The following HHIPL2 variants were observed in gnomAD, a reference collection of about 807,000 sequenced individuals.
HHIPL2 encodes HHIP-like protein 2.
HHIPL2 carries 61 observed loss-of-function variants against 61.0 expected under a neutral mutation model. The observed-to-expected ratio is 1.00, with a 90% CI of 0.81 to 1.24. The LOEUF (loss-of-function observed/expected upper bound fraction) is 1.24, where lower values mean the gene tolerates loss of function less well. HHIPL2 is among the 50% of genes most tolerant of loss of function. The pLI is 0.00. For synonymous variants in HHIPL2, 343 were observed against 357.4 expected, an observed-to-expected ratio of 0.96 and a Z score of 0.45; for missense variants, 885 against 910.2, an observed-to-expected ratio of 0.97 and a Z score of 0.36.
intron 5 of HHIPL2, 135 bp from the exon 6 acceptor site, chr1:222,532,246 A>G (rs1659208782): frequency 1.5e-6 from 1 of 681,368 alleles, no homozygotes; most frequent in Non-Finnish European, 2.3e-6. Flanking sequence ...GCCTGCCTCC[A>G]AGCAACCAAA....
At chr1:222,528,798 C>T (rs1659126765) in intron 6 of HHIPL2, among the ~76,000 whole-genome samples, 1 of 150,528 alleles carries the variant, frequency 6.6e-6, no homozygotes. Context: ...CTTTATACAG[C>T]TCTGAATTAT....
intron 1 of HHIPL2, among the ~76,000 whole-genome samples, chr1:222,544,908 T>G (rs958777533): frequency 2.0e-5 from 3 of 152,230 alleles, no homozygotes; most frequent in Non-Finnish European, 4.4e-5. Context: ...ATTATTGATT[T>G]TAAAAATTTC....
intron 7 of HHIPL2, chr1:222,524,847 T>C (rs1340311180): frequency 6.6e-6 from 1 of 152,188 alleles, no homozygotes; most frequent in African/African-American, 2.4e-5. Flanking sequence ...TAATTATAAC[T>C]GAATGGAGGG....
In HHIPL2 at chr1:222,531,951, CTG is replaced by C. The variant is rs758788853; in HGVS notation, c.1723+13_1723+14del. 6.3e-7 allele frequency: 1 copy of C among 1,589,770 alleles called. No individual in the cohort carries two copies. The highest frequency in any genetic ancestry group is 1.8e-5 in the Admixed American group (1 of 56,692). ...TCTAGTAAGCAGAAATCAAACAACTCTGTACATTTGTTACCTGCTTCATCTTC... is the reference window on the plus strand; with the variant it reads ...TCTAGTAAGCAGAAATCAAACAACTCTACATTTGTTACCTGCTTCATCTTC... On this transcript the variant is annotated intron_variant, in intron 6 of 8. Transcript: ENST00000343410.
At position 222,543,766 on chromosome 1, in the gene HHIPL2, T is replaced by TC; in HGVS notation, c.744dup (p.Ser249GlufsTer23). On this transcript the variant is annotated frameshift_variant, in exon 2 of 9. Transcript: ENST00000343410. LOFTEE classifies it high-confidence loss of function. ...TCCAGGAAGGGTTGCTCCAGGCGAC[T>TC]CCCATCAGGGAGGTAGACCCACACC... 6.2e-7 allele frequency: 1 copy of TC among 1,614,132 alleles called. No individual in the cohort carries two copies. The highest frequency in any genetic ancestry group is 8.5e-7 in the Non-Finnish European group (1 of 1,180,018).
At chr1:222,538,405 C>T (rs1659350536) in intron 5 of HHIPL2, among the ~76,000 whole-genome samples, 1 of 144,704 alleles carries the variant, frequency 6.9e-6, no homozygotes, top group African/African-American at 2.6e-5. Context: ...AAAGTGAGCC[C>T]CTGGTATGAG....
chr1:222,546,753 A>T (rs1394172687), intron 1 of HHIPL2, among the ~76,000 whole-genome samples: 1 of 152,170 alleles, frequency 6.6e-6, no homozygotes, highest in Non-Finnish European at 1.5e-5. Flanking sequence ...CTCAGCTGTA[A>T]TTCTCTCCTG....
chr1:222,534,441 G>C (rs1659256040), intron 5 of HHIPL2, among the ~76,000 whole-genome samples: 1 of 152,156 alleles, frequency 6.6e-6, no homozygotes. Flanking sequence ...GCTGGGCGTG[G>C]TGGCGGATGC....
intron 3 of HHIPL2, among the ~76,000 whole-genome samples, chr1:222,540,547 T>C (rs1312965733): frequency 2.0e-5 from 3 of 152,226 alleles, no homozygotes; most frequent in African/African-American, 7.2e-5. Context: ...ACAAGATATT[T>C]AAGACTGCCC....
rs939974262 is a variant in HHIPL2 at position 222,523,988 on chromosome 1, G to A, written c.1806-294C>T. On this transcript the variant is annotated intron_variant, in intron 7 of 8. Transcript: ENST00000343410. ...CTGGTAACCAGGGGCAAAAAACCTT[G>A]CTAAGCCTCAGTCTCCACATCTATC... 6 of 410,348 alleles carry A rather than the reference G, an allele frequency of 1.5e-5. No individual in the cohort carries two copies. In the Admixed American group the frequency reaches 2.3e-4, roughly 16 times the overall value. The allele number at this position is 410,348 out of a possible 1,614,324, so 25.4% of individuals were successfully genotyped here.
intron 2 of HHIPL2, among the ~76,000 whole-genome samples, chr1:222,543,216 A>G (rs1659473223): frequency 6.6e-6 from 1 of 152,220 alleles, no homozygotes. Flanking sequence ...CATAATAATC[A>G]GAGGCTACTA....
chr1:222,533,805 C>T (rs138443151), intron 5 of HHIPL2, among the ~76,000 whole-genome samples: 2,436 of 152,260 alleles, frequency 0.016, 44 homozygotes, highest in South Asian at 0.029. Flanking sequence ...GCCCAGCAGG[C>T]TCCTTGAGCT....
rs1012176509 is a variant in HHIPL2 at position 222,540,484 on chromosome 1, C to T, written c.1119-143G>A. 2.1e-5 allele frequency: 14 copies of T among 659,628 alleles called. No individual in the cohort carries two copies. In the East Asian group the frequency reaches 3.9e-4, roughly 18 times the overall value. 40.9% of individuals were successfully genotyped at this position (659,628 alleles called of 1,614,324 possible). ...TGGGAAGATTTGACTTCTTATTTTC[C>T]TTCTTTTTTTGTACCCGCAAGTATG... On this transcript the variant is annotated intron_variant, in intron 3 of 8. Coordinates refer to ENST00000343410, the MANE Select transcript of HHIPL2 (RefSeq NM_024746.4).
At position 222,547,705 on chromosome 1, in the gene HHIPL2, G is replaced by A. The variant is rs1446571593; in HGVS notation, c.321+19C>T. On this transcript the variant is annotated intron_variant, in intron 1 of 8. Transcript: ENST00000343410. Reference sequence around the variant, plus strand: ...GCCCAGCACCCAAACCCCTGGGGCTGGAAGGCACTTTTCACTACCTGGCAA... The same window carrying A: ...GCCCAGCACCCAAACCCCTGGGGCTAGAAGGCACTTTTCACTACCTGGCAA... The A allele has an allele frequency of 1.2e-6, 2 of 1,603,092 alleles. No individual in the cohort carries two copies. Among genetic ancestry groups the A allele is most frequent in the South Asian group, 1.1e-5 (1 of 90,190 alleles).
chr1:222,544,921 T>G (rs1386107857), intron 1 of HHIPL2, among the ~76,000 whole-genome samples: 2 of 152,214 alleles, frequency 1.3e-5, no homozygotes, highest in East Asian at 3.8e-4. Flanking sequence ...AAAATTTCAG[T>G]GTTTAATATA....
At position 222,543,682 on chromosome 1, in the gene HHIPL2, A is replaced by G. The variant is rs745334270; in HGVS notation, c.829T>C (p.Leu277=). The part of the protein sequence containing the change: ...WIGDERGFLG[L]AFHPKFRHNR... ...TGGCGGAATTTGGGGTGAAAAGCCA[A>G]CCCCAAGAAGCCTCTCTCATCCCCG... Residue 277 remains leucine, a synonymous_variant, in exon 2 of 9, where the codon TTG becomes CTG. Transcript: ENST00000343410. The G allele has an allele frequency of 6.2e-7, 1 of 1,613,976 alleles. No individual in the cohort carries two copies. The highest frequency in any genetic ancestry group is 8.5e-7 in the Non-Finnish European group (1 of 1,180,034).
At chr1:222,525,855 C>T (rs141588118) in intron 7 of HHIPL2, among the ~76,000 whole-genome samples, 51 of 151,836 alleles carry the variant, frequency 3.4e-4, no homozygotes, top group Non-Finnish European at 7.2e-4. Context: ...GAAAATTAGT[C>T]GGGTGTGGTG....
At chr1:222,528,737 A>G (rs1413734059) in intron 6 of HHIPL2, among the ~76,000 whole-genome samples, 1 of 152,098 alleles carries the variant, frequency 6.6e-6, no homozygotes, top group Admixed American at 6.5e-5. Context: ...ATTCTTTCTC[A>G]ATTTTATGAA....
intron 4 of HHIPL2, 55 bp downstream of exon 4, chr1:222,539,955 C>T (rs1659393109): frequency 2.1e-6 from 3 of 1,443,566 alleles, no homozygotes; most frequent in Non-Finnish European, 2.9e-6. Flanking sequence ...TCCCTACCTC[C>T]ACCTCCAGCC....
Sources: gnomAD v4.1 joint callset for allele counts (sites outside exome capture counted in the v4.1 genomes callset) on GRCh38, gnomAD v4.1.1 for gene constraint, MANE v1.5 for transcripts, NCBI Gene and HGNC (gene_info 2026-07-23, HGNC 2026-07-21) for gene names.